Variants in CEP55 observed in about 807,000 individuals in gnomAD.
CEP55 encodes centrosomal protein 55.
A neutral mutation model predicts 63.2 loss-of-function variants in CEP55; 57 were observed. The observed-to-expected ratio is 0.90, with a 90% CI of 0.73 to 1.13. CEP55 has a LOEUF of 1.13. Among genes scored for constraint, CEP55 ranks in the 50% most tolerant of loss-of-function variants. The probability of loss-of-function intolerance (pLI) is 0.00; values close to 1 mark genes in which losing one functional copy is unlikely to be tolerated. For missense variants in CEP55, 456 were observed against 518.9 expected, an observed-to-expected ratio of 0.88 and a Z score of 1.18; for synonymous variants, 178 against 191.6, an observed-to-expected ratio of 0.93 and a Z score of 0.59.
chr10:93,518,852 C>A lies in CEP55; in HGVS notation c.994-25C>A, dbSNP rs111691531. 28 of 1,547,920 alleles carry A rather than the reference C, an allele frequency of 1.8e-5. 2 individuals are homozygous for A. Among genetic ancestry groups the A allele is most frequent in the African/African-American group, 1.2e-4 (9 of 73,480 alleles). ...AGCCGGAAAAGGTTGGATGTGACAG[C>A]ATTGGTTCTCTTTATGTCCTACAGG... On this transcript the variant is annotated intron_variant, in intron 6 of 8. Coordinates refer to ENST00000371485, the MANE Select transcript of CEP55 (RefSeq NM_018131.5).
intron 3 of CEP55, among the ~76,000 whole-genome samples, chr10:93,504,391 T>C (rs2057666813): frequency 6.6e-6 from 1 of 151,858 alleles, no homozygotes; most frequent in South Asian, 2.1e-4. Flanking sequence ...TAGAATCGCT[T>C]GAACCCGAAA....
chr10:93,527,886 G>GAAAA, intron 8 of CEP55, 64 bp from the exon 9 acceptor site: 4 of 1,156,128 alleles, frequency 3.5e-6, no homozygotes, highest in South Asian at 1.5e-5. Context: ...CTCAAAAAAA[G>GAAAA]AAAAAAAAAA....
intron 8 of CEP55, among the ~76,000 whole-genome samples, chr10:93,527,556 C>T (rs909720032): frequency 1.3e-5 from 2 of 152,004 alleles, no homozygotes; most frequent in Non-Finnish European, 2.9e-5. Context: ...AGCTATAATA[C>T]TTATGGAACA....
chr10:93,524,881 A>G (rs1230379659), intron 8 of CEP55, among the ~76,000 whole-genome samples: 1 of 152,176 alleles, frequency 6.6e-6, no homozygotes, highest in Non-Finnish European at 1.5e-5. Context: ...CTTTGACAAA[A>G]TTCAACAGCC....
At chr10:93,518,841 G>T in intron 6 of CEP55, 36 bp from the exon 7 acceptor site, 1 of 1,480,430 alleles carries the variant, frequency 6.8e-7, no homozygotes, top group Non-Finnish European at 9.3e-7. Flanking sequence ...GGAAAAGGTT[G>T]GATGTGACAG....
chr10:93,512,936 C>A (rs552143985), intron 4 of CEP55, among the ~76,000 whole-genome samples: 1 of 152,028 alleles, frequency 6.6e-6, no homozygotes, highest in Non-Finnish European at 1.5e-5. Context: ...ATTTTTATTA[C>A]GAAAAATGTC....
intron 4 of CEP55, among the ~76,000 whole-genome samples, chr10:93,509,977 C>A (rs1300160030): frequency 6.6e-6 from 1 of 152,194 alleles, no homozygotes; most frequent in Non-Finnish European, 1.5e-5. Flanking sequence ...CTAGTTCCAT[C>A]ACCCTCTCAA....
chr10:93,519,301 C>T (rs924415065), intron 7 of CEP55, among the ~76,000 whole-genome samples: 1 of 152,144 alleles, frequency 6.6e-6, no homozygotes, highest in Non-Finnish European at 1.5e-5. Context: ...CTTGGAGAGA[C>T]ACCATTTAGT....
intron 2 of CEP55, 69 bp downstream of exon 2, chr10:93,500,303 C>A: frequency 7.9e-7 from 1 of 1,268,100 alleles, no homozygotes; most frequent in Non-Finnish European, 1.1e-6. Flanking sequence ...TTTCCTGATG[C>A]TACCTTCTTA....
chr10:93,520,646 T>TG (rs2057851442), intron 8 of CEP55, among the ~76,000 whole-genome samples: 1 of 152,094 alleles, frequency 6.6e-6, no homozygotes, highest in Non-Finnish European at 1.5e-5. Context: ...CCAAACTTGT[T>TG]GGGGGTCTGC....
At chr10:93,513,571 T>G (rs1250681629) in intron 4 of CEP55, among the ~76,000 whole-genome samples, 1 of 152,054 alleles carries the variant, frequency 6.6e-6, no homozygotes, top group African/African-American at 2.4e-5. Flanking sequence ...AAACACTATA[T>G]TGTATTGTCA....
chr10:93,509,452 C>T (rs1006162456), intron 4 of CEP55, among the ~76,000 whole-genome samples: 3 of 138,508 alleles, frequency 2.2e-5, no homozygotes, highest in African/African-American at 8.0e-5. Context: ...TTGGACCACG[C>T]TTTGAGAACC....
chr10:93,503,438 T>C (rs1328686072), intron 3 of CEP55, 50 bp downstream of exon 3: 1 of 1,526,500 alleles, frequency 6.6e-7, no homozygotes, highest in African/African-American at 1.4e-5. Flanking sequence ...TCTGATACAG[T>C]TTGTAATTCT....
chr10:93,497,912 A>C (rs2057589592), intron 1 of CEP55, among the ~76,000 whole-genome samples: 1 of 151,938 alleles, frequency 6.6e-6, no homozygotes, highest in Non-Finnish European at 1.5e-5. Context: ...TGAGGTCAGG[A>C]GTTCGAGACT....
At chr10:93,509,283 GA>G (rs1207744704) in intron 4 of CEP55, among the ~76,000 whole-genome samples, 1 of 152,020 alleles carries the variant, frequency 6.6e-6, no homozygotes, top group Non-Finnish European at 1.5e-5. Context: ...CTCTGTCTTA[GA>G]AAGGCGTTTA....
intron 5 of CEP55, among the ~76,000 whole-genome samples, chr10:93,516,104 C>T (rs2057800956): frequency 6.6e-6 from 1 of 152,128 alleles, no homozygotes; most frequent in South Asian, 2.1e-4. Context: ...TCAGTATTCT[C>T]ATTTTACAGA....
chr10:93,527,938 C>G lies in CEP55; in HGVS notation c.1192-12C>G. 1 of 1,601,854 alleles carries G rather than the reference C, an allele frequency of 6.2e-7. No homozygotes were observed. Among genetic ancestry groups the G allele is most frequent in the Non-Finnish European group, 8.5e-7 (1 of 1,172,682 alleles). On this transcript the variant is annotated splice_polypyrimidine_tract_variant and intron_variant, in intron 8 of 8. Transcript: ENST00000371485. ...TATTTACAAATTCTATTATTTGAAA[C>G]TTATTTTTCAGAAACAGCTTCATGA...
At position 93,518,626 on chromosome 10, in the gene CEP55, G is replaced by A. The variant is rs769000692; in HGVS notation, c.994-251G>A. Reference sequence around the variant, plus strand: ...AACCTCCAGGAAAGGGGGCATGGCTGCTGCAGAGTTCAGTGCTGTTTATCA... The same window carrying A: ...AACCTCCAGGAAAGGGGGCATGGCTACTGCAGAGTTCAGTGCTGTTTATCA... On this transcript the variant is annotated intron_variant, in intron 6 of 8. Coordinates refer to ENST00000371485, the MANE Select transcript of CEP55 (RefSeq NM_018131.5). Among the ~76,000 whole-genome samples, 10 of 152,354 alleles carry A rather than the reference G, an allele frequency of 6.6e-5. 1 individual carries two copies. In the South Asian group the frequency reaches 1.7e-3, roughly 25 times the overall value.
chr10:93,513,610 T>C (rs947744948), intron 4 of CEP55, among the ~76,000 whole-genome samples: 1 of 152,248 alleles, frequency 6.6e-6, no homozygotes, highest in African/African-American at 2.4e-5. Flanking sequence ...GAATTTTATC[T>C]ATGCATAATA....
Sources: gnomAD v4.1 joint callset for allele counts (sites outside exome capture counted in the v4.1 genomes callset) on GRCh38, gnomAD v4.1.1 for gene constraint, MANE v1.5 for transcripts, NCBI Gene and HGNC (gene_info 2026-07-23, HGNC 2026-07-21) for gene names.